BAIAP2: variants seen among roughly 807,000 people sequenced by gnomAD.
BAIAP2 encodes the protein BAR/IMD domain containing adaptor protein 2.
BAIAP2 carries 18 observed loss-of-function variants against 63.0 expected under a neutral mutation model. The observed-to-expected ratio is 0.29, with a 90% confidence interval of 0.20 to 0.42. The LOEUF is 0.42. Among genes scored for constraint, BAIAP2 ranks in the 10% least tolerant of loss-of-function variants. BAIAP2 has a pLI of 1.00. For missense variants in BAIAP2, 610 were observed against 734.3 expected, an observed-to-expected ratio of 0.83 and a Z score of 1.96; for synonymous variants, 386 against 307.6, an observed-to-expected ratio of 1.25 and a Z score of -2.67.
chr17:81,076,383 A>G (rs1598654601), intron 3 of BAIAP2: 1 of 152,178 alleles, frequency 6.6e-6, no homozygotes, highest in Admixed American at 6.5e-5. Flanking sequence ...GAGAGCCCTG[A>G]TGTTCTGACC....
intron 6 of BAIAP2, among the ~76,000 whole-genome samples, chr17:81,099,348 C>T (rs186184907): frequency 6.6e-5 from 10 of 152,272 alleles, no homozygotes; most frequent in East Asian, 1.9e-4. Flanking sequence ...GAGGTGCGCC[C>T]GGAGTCCCCT....
In BAIAP2 at chr17:81,057,973, ACCCCCC is replaced by A. The variant is rs60972273; in HGVS notation, c.217+17_217+22del. ...CCAGGGCTCCAAAGAACTCGGTGAG[ACCCCCC>A]CCCCCCCCCCGCCTGGTAGTCGCCT... On this transcript the variant is annotated splice_region_variant and intron_variant, in intron 3 of 13. Transcript: ENST00000428708. 1.4e-3 allele frequency: 1,046 copies of A among 764,482 alleles called. 1 individual carries two copies. Among genetic ancestry groups the A allele is most frequent in the Middle Eastern group, 2.0e-3 (4 of 2,050 alleles). 47.4% of individuals were successfully genotyped at this position (764,482 alleles called of 1,614,324 possible).
intron 1 of BAIAP2, among the ~76,000 whole-genome samples, chr17:81,037,808 T>C (rs867200492): frequency 1.3e-5 from 2 of 152,250 alleles, no homozygotes; most frequent in African/African-American, 4.8e-5. Context: ...TTCTGAGTGG[T>C]GTTTGCCTTG....
In BAIAP2 at chr17:81,103,576, C is replaced by T. The variant is rs761769705; in HGVS notation, c.717C>T (p.Arg239=). 8.7e-6 allele frequency: 14 copies of T among 1,603,338 alleles called. No individual in the cohort carries two copies. The highest frequency in any genetic ancestry group is 2.2e-5 in the East Asian group (1 of 44,824). Residue 239 remains arginine, a synonymous_variant, in exon 8 of 14, where the codon CGC becomes CGT. Transcript: ENST00000428708. ...ACADPSKIPE[R]AVQLMQQVAS... ...CCGACCCCAGCAAGATCCCGGAGCGCGCGGTGCAGCTCATGCAGCAGGTGG... is the reference window on the plus strand; with the variant it reads ...CCGACCCCAGCAAGATCCCGGAGCGTGCGGTGCAGCTCATGCAGCAGGTGG...
At chr17:81,073,680 C>G (rs1451119627) in intron 3 of BAIAP2, among the ~76,000 whole-genome samples, 2 of 152,194 alleles carry the variant, frequency 1.3e-5, no homozygotes, top group Non-Finnish European at 2.9e-5. Flanking sequence ...TTTTCACTGT[C>G]TCTGAGATTC....
At chr17:81,037,063 A>G in intron 1 of BAIAP2, 2 of 967,446 alleles carry the variant, frequency 2.1e-6, no homozygotes, top group Non-Finnish European at 3.1e-6. Context: ...GTGAAGCTGT[A>G]ATTTATCTGC....
Position 81,103,738 on chromosome 17 carries a change from T to TA in BAIAP2, c.864+15_864+16insA. On this transcript the variant is annotated intron_variant, in intron 8 of 13. Coordinates refer to ENST00000428708, the MANE Select transcript of BAIAP2 (RefSeq NM_001144888.2). ...CGTTCGTGGGGGTGAGTCTGTGGCC[T>TA]CTGGAAAGCTTCACGGGTGTGGGTG... 1 of 1,572,778 alleles carries TA rather than the reference T, an allele frequency of 6.4e-7. No individual in the cohort carries two copies. The highest frequency in any genetic ancestry group is 1.7e-4 in the Middle Eastern group (1 of 5,940).
In BAIAP2 at chr17:81,064,526, G is replaced by A. The variant is rs1292323465; in HGVS notation, c.217+6559G>A. ...AAGTGAGCCCCAGGTCTCCGGAGCCGGGAGCCAGCCTTGGCCTGCGTGAGC... is the reference window on the plus strand; with the variant it reads ...AAGTGAGCCCCAGGTCTCCGGAGCCAGGAGCCAGCCTTGGCCTGCGTGAGC... On this transcript the variant is annotated intron_variant, in intron 3 of 13. Transcript: ENST00000428708. Among the ~76,000 whole-genome samples, 4 of 152,236 alleles carry A rather than the reference G, an allele frequency of 2.6e-5. No homozygotes were observed. In the East Asian group the frequency reaches 5.8e-4, roughly 22 times the overall value.
chr17:81,109,982 C>T, intron 13 of BAIAP2: 1 of 985,448 alleles, frequency 1.0e-6, no homozygotes, highest in Non-Finnish European at 1.2e-6. Context: ...CCCGGTTCTT[C>T]CTAAACGCTC....
intron 3 of BAIAP2, among the ~76,000 whole-genome samples, chr17:81,079,154 G>C (rs1021991313): frequency 2.0e-5 from 3 of 152,186 alleles, no homozygotes; most frequent in African/African-American, 7.2e-5. Context: ...CTGGGGCCTG[G>C]GTTCCTCAGC....
chr17:81,104,842 GAA>G, intron 10 of BAIAP2, 127 bp downstream of exon 10: 1 of 1,016,994 alleles, frequency 9.8e-7, no homozygotes, highest in Non-Finnish European at 1.4e-6. Context: ...CCTCGCCGTA[GAA>G]GACCTGGGCA....
intron 1 of BAIAP2, chr17:81,037,004 G>A: frequency 6.7e-7 from 1 of 1,486,236 alleles, no homozygotes; most frequent in Non-Finnish European, 9.1e-7. Flanking sequence ...CCGACCCCGT[G>A]ATCGTCCTTA....
At position 81,103,962 on chromosome 17, in the gene BAIAP2, G is replaced by C; in HGVS notation, c.920G>C (p.Gly307Ala). Residue 307 changes from glycine to alanine, a missense_variant, in exon 9 of 14, where the codon GGC (glycine) becomes GCC (alanine). By Grantham distance (60) the Gly-to-Ala change is moderately conservative (BLOSUM62 0). This residue lies in a region of BAIAP2 where 389 missense variants were observed against 455.6 expected (regional missense o/e 0.85). Transcript: ENST00000428708. Reference sequence around the variant, plus strand: ...ATGAACGGCGTCACAGGCCCGGATGGCGAGGACTACAGCCCGTGGGCTGAC... The same window carrying C: ...ATGAACGGCGTCACAGGCCCGGATGCCGAGGACTACAGCCCGTGGGCTGAC... ...PIMNGVTGPDGEDYSPWADRK... is the reference protein window; with the variant it reads ...PIMNGVTGPDAEDYSPWADRK... 1 of 1,613,064 alleles carries C rather than the reference G, an allele frequency of 6.2e-7. No individual in the cohort carries two copies. Among genetic ancestry groups the C allele is most frequent in the Non-Finnish European group, 8.5e-7 (1 of 1,180,028 alleles).
chr17:81,069,919 AT>A (rs564918273), intron 3 of BAIAP2, among the ~76,000 whole-genome samples: 3 of 152,052 alleles, frequency 2.0e-5, no homozygotes, highest in Non-Finnish European at 4.4e-5. Flanking sequence ...ACCCAGGAAG[AT>A]TGGAGGGTTT....
rs75475222 is a variant in BAIAP2, at chr17:81,052,088, C to G, written c.55-1580C>G. Among the ~76,000 whole-genome samples, 23 of 152,342 alleles carry G rather than the reference C, an allele frequency of 1.5e-4. No homozygotes were observed. The East Asian group carries it at 2.1e-3, about 14-fold the overall frequency. The stretch of plus-strand genomic sequence containing the variant: ...AGGGGCTATCCCATTAGCACATCCA[C>G]CTCTTCCTCTTCCTGCCTCCCCTGG... On this transcript the variant is annotated intron_variant, in intron 1 of 13. Coordinates refer to ENST00000428708, the MANE Select transcript of BAIAP2 (RefSeq NM_001144888.2).
At chr17:81,054,929 A>C (rs985472051) in intron 2 of BAIAP2, among the ~76,000 whole-genome samples, 2 of 151,964 alleles carry the variant, frequency 1.3e-5, no homozygotes, top group African/African-American at 4.8e-5. Context: ...GGGACTTGCT[A>C]TTCTTGGACA....
At chr17:81,074,666 A>G (rs2053344250) in intron 3 of BAIAP2, among the ~76,000 whole-genome samples, 1 of 142,852 alleles carries the variant, frequency 7.0e-6, no homozygotes, top group South Asian at 2.2e-4. Context: ...GTCTGCGTGC[A>G]CGGATGCGTA....
intron 1 of BAIAP2, among the ~76,000 whole-genome samples, chr17:81,044,885 G>A (rs955312981): frequency 3.3e-5 from 5 of 152,246 alleles, no homozygotes; most frequent in South Asian, 2.1e-4. Context: ...GGAATGCACC[G>A]TCCCGTGTGG....
intron 3 of BAIAP2, among the ~76,000 whole-genome samples, chr17:81,074,101 C>T (rs1478123708): frequency 6.6e-6 from 1 of 152,234 alleles, no homozygotes; most frequent in African/African-American, 2.4e-5. Context: ...ATGGTGTGTG[C>T]TGTTGATGAG....
Sources: gnomAD v4.1 joint callset for allele counts (sites outside exome capture counted in the v4.1 genomes callset) on GRCh38, gnomAD v4.1.1 for gene constraint, gnomAD v4.1.1 regional missense constraint, MANE v1.5 for transcripts, NCBI Gene and HGNC (gene_info 2026-07-23, HGNC 2026-07-21) for gene names.